ASTN2: variants seen among roughly 807,000 people sequenced by gnomAD.
ASTN2 encodes astrotactin 2, also known as astrotactin-2.
A neutral mutation model predicts 139.8 loss-of-function variants in ASTN2; 54 were observed. The observed-to-expected ratio is 0.39, with a 90% confidence interval of 0.31 to 0.48. The LOEUF is 0.48. Among genes scored for constraint, ASTN2 ranks in the 20% least tolerant of loss-of-function variants. The probability of loss-of-function intolerance (pLI) is 0.95; values close to 1 mark genes in which losing one functional copy is unlikely to be tolerated. For missense variants in ASTN2, 1,565 were observed against 1,725.1 expected (o/e 0.91, Z 1.64); for synonymous variants, 756 against 719.5 (o/e 1.05, Z -0.81).
chr9:116,937,784 T>A (rs1380055375), intron 10 of ASTN2, among the ~76,000 whole-genome samples: 3 of 152,210 alleles, frequency 2.0e-5, no homozygotes, highest in Non-Finnish European at 4.4e-5. Flanking sequence ...ATTAATTTGA[T>A]AAATATGTGT....
At chr9:116,826,096 A>G (rs1164626827) in intron 11 of ASTN2, among the ~76,000 whole-genome samples, 1 of 152,168 alleles carries the variant, frequency 6.6e-6, no homozygotes, top group Non-Finnish European at 1.5e-5. Context: ...TATCAGGCCC[A>G]AAGCACCGTT....
intron 1 of ASTN2, among the ~76,000 whole-genome samples, chr9:117,360,779 AG>A (rs10712988): frequency 0.34 from 51,048 of 151,862 alleles, 8,851 homozygotes; most frequent in Middle Eastern, 0.38. Flanking sequence ...CTCTACCCCC[AG>A]TCTCTCCATC....
At chr9:116,797,133 G>T (rs554854977) in intron 13 of ASTN2, among the ~76,000 whole-genome samples, 13 of 152,176 alleles carry the variant, frequency 8.5e-5, no homozygotes, top group South Asian at 8.3e-4. Flanking sequence ...AAACAAAGAG[G>T]GTGGGAGAAA....
intron 19 of ASTN2, chr9:116,610,807 A>C (rs927027205): frequency 1.2e-4 from 19 of 152,178 alleles, no homozygotes; most frequent in Non-Finnish European, 1.5e-5. Flanking sequence ...TAACTTCAAA[A>C]TATATAAAAT....
At chr9:117,001,865 T>TGTGAGAATGTAAAATCCATGAAG (rs1321846845) in intron 7 of ASTN2, among the ~76,000 whole-genome samples, 40 of 152,198 alleles carry the variant, frequency 2.6e-4, no homozygotes, top group Non-Finnish European at 2.8e-4. Context: ...TTTTTATACC[T>TGTGAGAATGTAAAATCCATGAAG]GTGAGAATGT....
chr9:116,736,610 C>G (rs2416569), intron 13 of ASTN2, among the ~76,000 whole-genome samples: 83,960 of 151,950 alleles, frequency 0.55, 24,285 homozygotes, highest in Admixed American at 0.66. Context: ...GCCCCAGGCT[C>G]TGTTCTCTAT....
At chr9:117,033,890 T>C (rs1838314494) in intron 6 of ASTN2, among the ~76,000 whole-genome samples, 1 of 152,144 alleles carries the variant, frequency 6.6e-6, no homozygotes, top group Non-Finnish European at 1.5e-5. Flanking sequence ...GTAAAGTGCT[T>C]TGTGTGCTAC....
intron 10 of ASTN2, among the ~76,000 whole-genome samples, chr9:116,972,871 A>G (rs1041137177): frequency 3.3e-5 from 5 of 152,100 alleles, no homozygotes; most frequent in Admixed American, 6.5e-5. Flanking sequence ...CTGCTTTTCC[A>G]CGTAGTCTTT....
chr9:117,063,001 G>A (rs1250749879), intron 5 of ASTN2, among the ~76,000 whole-genome samples: 1 of 152,150 alleles, frequency 6.6e-6, no homozygotes, highest in African/African-American at 2.4e-5. Context: ...AGAATATTGT[G>A]TGCTAGCCTC....
intron 4 of ASTN2, among the ~76,000 whole-genome samples, chr9:117,130,118 G>A (rs1829792918): frequency 6.6e-6 from 1 of 152,050 alleles, no homozygotes; most frequent in African/African-American, 2.4e-5. Context: ...ACTAGCCTGG[G>A]CAGCATGGTG....
rs1452391696 is a variant in ASTN2 at position 116,733,664 on chromosome 9, C to T, written c.2397-141G>A. The T allele has an allele frequency of 7.2e-6, 8 of 1,117,298 alleles. No homozygotes were observed. The East Asian group carries it at 2.0e-4, about 28-fold the overall frequency. 69.2% of individuals were successfully genotyped at this position (1,117,298 alleles called of 1,614,324 possible). On this transcript the variant is annotated intron_variant, in intron 13 of 22. Transcript: ENST00000313400. ...CTGTAATGCCTCTGGTTTCCTGAAT[C>T]CCAGCTCTGAGAACATGGTGCTAAC...
At chr9:116,914,547 TTTATTATTA>T (rs144153990) in intron 10 of ASTN2, among the ~76,000 whole-genome samples, 4 of 146,896 alleles carry the variant, frequency 2.7e-5, no homozygotes, top group Non-Finnish European at 4.5e-5. Flanking sequence ...TGTAAAGTGT[TTTATTATTA>T]TTATTATTAT....
rs183939867 is a variant in ASTN2 at position 116,530,979 on chromosome 9, C to G, written c.3356-43479G>C. ...CATATTTATTAAATAAATGAATACA[C>G]AGATATTTTAAGTTATTAAAAAACA... is the stretch of plus-strand genomic sequence containing the variant. On this transcript the variant is annotated intron_variant, in intron 19 of 22. Coordinates refer to ENST00000313400, the MANE Select transcript of ASTN2 (RefSeq NM_001365068.1). Among the ~76,000 whole-genome samples, 361 of 152,250 alleles carry G rather than the reference C, an allele frequency of 2.4e-3. 1 individual carries two copies. Among genetic ancestry groups the G allele is most frequent in the Non-Finnish European group, 4.2e-3 (284 of 68,000 alleles).
intron 17 of ASTN2, among the ~76,000 whole-genome samples, chr9:116,635,661 T>G (rs1019451838): frequency 6.6e-6 from 1 of 152,162 alleles, no homozygotes; most frequent in African/African-American, 2.4e-5. Flanking sequence ...ACGTTATACT[T>G]CAATTGCCTG....
At chr9:116,697,957 G>A in intron 16 of ASTN2, 2 of 1,614,204 alleles carry the variant, frequency 1.2e-6, no homozygotes, top group South Asian at 2.2e-5. Context: ...CGCATAACCA[G>A]CTTGACCCAG....
chr9:116,861,409 AC>A (rs1832880467), intron 11 of ASTN2, among the ~76,000 whole-genome samples: 1 of 152,220 alleles, frequency 6.6e-6, no homozygotes, highest in African/African-American at 2.4e-5. Context: ...CATTCTGGAC[AC>A]AACACAGAAC....
At chr9:117,394,576 A>G (rs1438932933) in intron 1 of ASTN2, among the ~76,000 whole-genome samples, 2 of 152,226 alleles carry the variant, frequency 1.3e-5, no homozygotes, top group African/African-American at 4.8e-5. Flanking sequence ...GAGGAGAAAT[A>G]AGGAATGAAT....
chr9:116,652,890 G>A (rs955672088), intron 16 of ASTN2, among the ~76,000 whole-genome samples: 2 of 152,046 alleles, frequency 1.3e-5, no homozygotes, highest in Non-Finnish European at 2.9e-5. Flanking sequence ...CCACCTCTGT[G>A]CCTTTGCTCA....
At chr9:116,860,793 T>C (rs1402133749) in intron 11 of ASTN2, among the ~76,000 whole-genome samples, 2 of 152,210 alleles carry the variant, frequency 1.3e-5, no homozygotes, top group African/African-American at 2.4e-5. Flanking sequence ...CCAGGTTTGT[T>C]GTGAGGATGA....
Sources: allele counts gnomAD v4.1 joint callset (sites outside exome capture counted in the v4.1 genomes callset), GRCh38; gene constraint gnomAD v4.1.1; transcripts MANE v1.5; gene names NCBI Gene and HGNC (gene_info 2026-07-23, HGNC 2026-07-21).